Variants in DYSF observed in about 807,000 individuals in gnomAD.
DYSF encodes the protein dystrophy-associated fer-1-like 1.
A neutral mutation model predicts 274.9 loss-of-function variants in DYSF; 212 were observed. That is an observed-to-expected ratio of 0.77 (90% CI 0.69 to 0.86). The LOEUF is 0.86. DYSF is among the 40% of genes least tolerant of loss of function. The probability of loss-of-function intolerance (pLI) is 0.00; values close to 1 mark genes in which losing one functional copy is unlikely to be tolerated. For missense variants in DYSF, 2,666 were observed against 2,783.2 expected (o/e 0.96, Z 0.95); for synonymous variants, 1,091 against 1,078.7 (o/e 1.01, Z -0.22).
At chr2:71,674,917 C>G (rs1199711706) in intron 52 of DYSF, among the ~76,000 whole-genome samples, 1 of 152,138 alleles carries the variant, frequency 6.6e-6, no homozygotes, top group African/African-American at 2.4e-5. Context: ...CCTGTCATGG[C>G]TATAAAGGTT....
intron 17 of DYSF, among the ~76,000 whole-genome samples, chr2:71,545,771 C>T (rs1269735627): frequency 6.6e-6 from 1 of 152,132 alleles, no homozygotes; most frequent in Non-Finnish European, 1.5e-5. Flanking sequence ...GTTAACATCC[C>T]CCGACCTGTC....
intron 21 of DYSF, among the ~76,000 whole-genome samples, chr2:71,555,256 A>C (rs1432464282): frequency 6.6e-6 from 1 of 152,116 alleles, no homozygotes; most frequent in African/African-American, 2.4e-5. Flanking sequence ...TCCAGACTCC[A>C]AGAGGGCAGG....
intron 17 of DYSF, among the ~76,000 whole-genome samples, chr2:71,547,708 C>A (rs1165300876): frequency 6.6e-6 from 1 of 152,216 alleles, no homozygotes; most frequent in Non-Finnish European, 1.5e-5. Context: ...GCGAGGCAGG[C>A]TGCTTCGCAG....
At chr2:71,636,468 A>T (rs2094404676) in intron 41 of DYSF, among the ~76,000 whole-genome samples, 1 of 151,998 alleles carries the variant, frequency 6.6e-6, no homozygotes, top group Admixed American at 6.6e-5. Context: ...GGTCGTGAGG[A>T]ACAGGAGTCA....
intron 7 of DYSF, 34 bp from the exon 8 acceptor site, chr2:71,515,589 C>T (rs781362561): frequency 6.2e-7 from 1 of 1,613,908 alleles, no homozygotes. Context: ...ACTCTTCCCC[C>T]TTCCTCCTGC....
chr2:71,633,656 T>A (rs1330796745), intron 41 of DYSF, among the ~76,000 whole-genome samples: 1 of 152,182 alleles, frequency 6.6e-6, no homozygotes, highest in Non-Finnish European at 1.5e-5. Flanking sequence ...TGGGTTGACA[T>A]AGGCATGAAG....
chr2:71,575,499 C>A (rs921880979), intron 30 of DYSF, among the ~76,000 whole-genome samples: 1 of 152,026 alleles, frequency 6.6e-6, no homozygotes, highest in Non-Finnish European at 1.5e-5. Flanking sequence ...CAGGGTCGGG[C>A]AGGATAGGAT....
intron 22 of DYSF, among the ~76,000 whole-genome samples, chr2:71,557,966 A>G (rs2091452223): frequency 6.6e-6 from 1 of 151,792 alleles, no homozygotes; most frequent in Admixed American, 6.6e-5. Flanking sequence ...CAGGAGGTGG[A>G]TGTTGCAGTG....
At chr2:71,584,489 T>G (rs937523813) in intron 30 of DYSF, among the ~76,000 whole-genome samples, 3 of 152,176 alleles carry the variant, frequency 2.0e-5, no homozygotes, top group Middle Eastern at 3.4e-3. Context: ...AATCCCTTTT[T>G]CCATAGTAAC....
At chr2:71,556,696 CAGA>C (rs1373856157) in intron 22 of DYSF, among the ~76,000 whole-genome samples, 2 of 152,326 alleles carry the variant, frequency 1.3e-5, no homozygotes, top group African/African-American at 2.4e-5. Flanking sequence ...AATTATTGCT[CAGA>C]AGAAGAAATG....
At chr2:71,647,977 G>A (rs1446997241) in intron 42 of DYSF, among the ~76,000 whole-genome samples, 1 of 152,226 alleles carries the variant, frequency 6.6e-6, no homozygotes, top group African/African-American at 2.4e-5. Flanking sequence ...GAGAAGCAGA[G>A]GTGGAGCTAC....
At chr2:71,514,618 A>G (rs1221214681) in intron 7 of DYSF, among the ~76,000 whole-genome samples, 1 of 151,938 alleles carries the variant, frequency 6.6e-6, no homozygotes, top group African/African-American at 2.4e-5. Flanking sequence ...ATTTTGATGT[A>G]GTCACACAGT....
chr2:71,622,686 G>A (rs2094132598), intron 41 of DYSF, among the ~76,000 whole-genome samples: 1 of 152,242 alleles, frequency 6.6e-6, no homozygotes, highest in South Asian at 2.1e-4. Context: ...TGTTGTCTTG[G>A]CTCACTGCAA....
Position 71,513,794 on chromosome 2 carries a change from G to T in DYSF, c.632G>T (p.Gly211Val). The change falls in exon 7 of 56, where the codon GGC becomes GTC. Residue 211 changes from glycine (G) to valine (V), a missense_variant. Around this residue, in one of 3 missense-constraint regions of DYSF, gnomAD observed 794 missense variants for 777.1 expected, o/e 1.02. Transcript: ENST00000410020. Reference protein sequence around the residue: ...EAEPFLDQSGGPGAPTTPRKL... With the variant: ...EAEPFLDQSGVPGAPTTPRKL... ...GAGCCATTCCTGGATCAAAGCGGAG[G>T]CCCGGGGGCTCCCACCACCCCAAGG... 6.2e-7 allele frequency: 1 copy of T among 1,614,082 alleles called. No individual in the cohort carries two copies. The highest frequency in any genetic ancestry group is 8.5e-7 in the Non-Finnish European group (1 of 1,179,980).
chr2:71,645,670 C>CCT (rs1229678177), intron 42 of DYSF, among the ~76,000 whole-genome samples: 1 of 151,912 alleles, frequency 6.6e-6, no homozygotes, highest in East Asian at 1.9e-4. Flanking sequence ...GGGGATGAAG[C>CCT]CCTCGCCAGG....
intron 41 of DYSF, among the ~76,000 whole-genome samples, 170 bp downstream of exon 41, chr2:71,620,779 G>C (rs1365102872): frequency 1.3e-5 from 2 of 152,108 alleles, no homozygotes. Context: ...AGGGGTGAGA[G>C]AAAGCTATGG....
chr2:71,499,948 C>T (rs1448948793), intron 3 of DYSF, among the ~76,000 whole-genome samples: 1 of 152,206 alleles, frequency 6.6e-6, no homozygotes, highest in Non-Finnish European at 1.5e-5. Flanking sequence ...CCCTGGCCCC[C>T]TCCTTGCCTC....
intron 32 of DYSF, among the ~76,000 whole-genome samples, chr2:71,592,870 A>T (rs2093308559): frequency 3.3e-5 from 5 of 152,136 alleles, no homozygotes; most frequent in Admixed American, 2.6e-4. Flanking sequence ...ATATTTGAGG[A>T]GATAGGCAGG....
At chr2:71,603,605 C>A (rs2093593004) in intron 36 of DYSF, among the ~76,000 whole-genome samples, 1 of 152,196 alleles carries the variant, frequency 6.6e-6, no homozygotes. Flanking sequence ...TCCACAGGCC[C>A]CGCACCCCTT....
Sources: gnomAD v4.1 joint callset for allele counts (sites outside exome capture counted in the v4.1 genomes callset) on GRCh38, gnomAD v4.1.1 for gene constraint, gnomAD v4.1.1 regional missense constraint, MANE v1.5 for transcripts, NCBI Gene and HGNC (gene_info 2026-07-23, HGNC 2026-07-21) for gene names.